IRF2: variants seen among roughly 807,000 people sequenced by gnomAD.
The protein encoded by IRF2 is interferon regulatory factor 2.
A neutral mutation model predicts 40.6 loss-of-function variants in IRF2; 15 were observed. The observed-to-expected ratio is 0.37, with a 90% CI of 0.25 to 0.57. The LOEUF (loss-of-function observed/expected upper bound fraction) is 0.57, where lower values mean the gene tolerates loss of function less well. Among genes scored for constraint, IRF2 ranks in the 20% least tolerant of loss-of-function variants. The pLI, the probability that IRF2 is intolerant of heterozygous loss-of-function variation, is 0.77. For synonymous variants in IRF2, 151 were observed against 165.5 expected, an observed-to-expected ratio of 0.91 and a Z score of 0.67; for missense variants, 317 against 455.7, an observed-to-expected ratio of 0.70 and a Z score of 2.77.
intron 1 of IRF2, among the ~76,000 whole-genome samples, chr4:184,431,698 A>T (rs1334861506): frequency 6.6e-6 from 1 of 152,188 alleles, no homozygotes; most frequent in Non-Finnish European, 1.5e-5. Flanking sequence ...AGTTCTCCTG[A>T]CAGCCTGACG....
intron 7 of IRF2, among the ~76,000 whole-genome samples, chr4:184,395,211 A>T (rs113592870): frequency 0.16 from 23,607 of 151,882 alleles, 1,986 homozygotes; most frequent in East Asian, 0.26. Context: ...GGAGATCGAG[A>T]CCATCCTGGC....
At chr4:184,461,392 A>C (rs1739139342) in intron 1 of IRF2, among the ~76,000 whole-genome samples, 1 of 152,138 alleles carries the variant, frequency 6.6e-6, no homozygotes, top group Admixed American at 6.5e-5. Flanking sequence ...AAACAACCCC[A>C]CAGGGCCCAT....
chr4:184,395,091 A>G (rs1736395541), intron 7 of IRF2, among the ~76,000 whole-genome samples: 1 of 152,058 alleles, frequency 6.6e-6, no homozygotes, highest in Non-Finnish European at 1.5e-5. Flanking sequence ...GCCTCCAAAT[A>G]CCAGTTTCCC....
chr4:184,407,107 C>T (rs1379517055), intron 6 of IRF2: 1 of 976,566 alleles, frequency 1.0e-6, no homozygotes, highest in African/African-American at 1.7e-5. Context: ...ACCAGTCAGA[C>T]AGAATGTCCG....
At position 184,388,605 on chromosome 4, in the gene IRF2, T is replaced by A; in HGVS notation, c.*153A>T. 1 of 742,948 alleles carries A rather than the reference T, an allele frequency of 1.3e-6. No homozygotes were observed. Among genetic ancestry groups the A allele is most frequent in the Non-Finnish European group, 2.2e-6 (1 of 457,070 alleles). The allele number at this position is 742,948 out of a possible 1,614,324, so 46.0% of individuals were successfully genotyped here. On this transcript the variant is annotated 3_prime_UTR_variant, in exon 9 of 9. Transcript: ENST00000393593. The surrounding 1 kb of genome is among the most constrained non-coding windows in gnomAD (Gnocchi z 4.6). ...GTCCTGAGTTAAAGAGAAGCTCCAG[T>A]ACTGGAGTTGGACACAGCAATCAAT... is the stretch of plus-strand genomic sequence containing the variant.
chr4:184,427,030 A>T (rs34374710), intron 2 of IRF2, among the ~76,000 whole-genome samples: 2 of 152,052 alleles, frequency 1.3e-5, no homozygotes, highest in African/African-American at 4.8e-5. Context: ...GCTGAGTACA[A>T]GTCAGCTTTC....
intron 1 of IRF2, among the ~76,000 whole-genome samples, chr4:184,430,759 G>C (rs1473772955): frequency 6.6e-6 from 1 of 152,066 alleles, no homozygotes; most frequent in Non-Finnish European, 1.5e-5. Flanking sequence ...GCAGTGACAT[G>C]ATCACAGCTC....
chr4:184,392,181 AT>A (rs1217407793), intron 7 of IRF2, among the ~76,000 whole-genome samples: 1 of 152,236 alleles, frequency 6.6e-6, no homozygotes, highest in Admixed American at 6.5e-5. Context: ...CCTGTGCAAT[AT>A]TTAGGCATTT....
chr4:184,411,140 C>T (rs1303424197), intron 5 of IRF2, among the ~76,000 whole-genome samples: 1 of 151,946 alleles, frequency 6.6e-6, no homozygotes, highest in Non-Finnish European at 1.5e-5. Context: ...TCACTGCAAC[C>T]TCCACCTCCC....
At chr4:184,465,777 T>A (rs950727112) in intron 1 of IRF2, among the ~76,000 whole-genome samples, 2 of 152,246 alleles carry the variant, frequency 1.3e-5, no homozygotes, top group African/African-American at 4.8e-5. Context: ...AGTTTTTACA[T>A]AACAAAAGCT....
intron 7 of IRF2, among the ~76,000 whole-genome samples, chr4:184,391,535 G>A (rs947205747): frequency 2.0e-5 from 3 of 152,184 alleles, no homozygotes; most frequent in African/African-American, 7.2e-5. Flanking sequence ...AGAGACTGAG[G>A]CCCTTAGTCC....
At chr4:184,409,991 G>A (rs1029196128) in intron 5 of IRF2, among the ~76,000 whole-genome samples, 5 of 151,968 alleles carry the variant, frequency 3.3e-5, no homozygotes, top group Admixed American at 2.6e-4. Context: ...GAGTCAGCAG[G>A]TTTTCCCTTC....
intron 2 of IRF2, among the ~76,000 whole-genome samples, chr4:184,423,767 C>T (rs1439876752): frequency 6.6e-6 from 1 of 152,040 alleles, no homozygotes; most frequent in South Asian, 2.1e-4. Flanking sequence ...CTGGTCTCAA[C>T]AAGTCAATGG....
At chr4:184,426,517 A>T (rs1436280471) in intron 2 of IRF2, among the ~76,000 whole-genome samples, 2 of 152,206 alleles carry the variant, frequency 1.3e-5, no homozygotes, top group Non-Finnish European at 1.5e-5. Context: ...GGATGATTTC[A>T]TCTCAAGGTC....
rs527583228 is a variant in IRF2, at chr4:184,474,104, ACCT to A, written c.-7+272_-7+274del. 7.9e-3 allele frequency: 1,187 copies of A among 149,588 alleles called. 17 individuals carry two copies. The highest frequency in any genetic ancestry group is 0.023 in the African/African-American group (926 of 40,096). 9.3% of individuals were successfully genotyped at this position (149,588 alleles called of 1,614,324 possible). A position where few individuals can be genotyped will look rare whatever the true frequency, so the allele number is the denominator to read the frequency against. On this transcript the variant is annotated intron_variant, in intron 1 of 8. Transcript: ENST00000393593. The surrounding 1 kb of genome is among the most constrained non-coding windows in gnomAD (Gnocchi z 5.6). ...AACCTCCTCCTCCTCCTCCCTCTCTACCTCCTCCTCCTCCTCCTCCTCGCAGCC... is the reference window on the plus strand; with the variant it reads ...AACCTCCTCCTCCTCCTCCCTCTCTACCTCCTCCTCCTCCTCCTCGCAGCC...
chr4:184,455,243 T>TCCCCCCCCCTC (rs1561125225), intron 1 of IRF2, among the ~76,000 whole-genome samples: 1 of 56,708 alleles, frequency 1.8e-5, no homozygotes, highest in Non-Finnish European at 3.6e-5. Flanking sequence ...TTCTTCTTCC[T>TCCCCCCCCCTC]CCCCTCCCCT....
At chr4:184,434,739 T>C (rs1278104567) in intron 1 of IRF2, among the ~76,000 whole-genome samples, 4 of 151,858 alleles carry the variant, frequency 2.6e-5, no homozygotes, top group Non-Finnish European at 2.9e-5. Flanking sequence ...AAGTCACGAA[T>C]GATCCCCCAT....
chr4:184,423,084 T>C (rs1048260785), intron 2 of IRF2, among the ~76,000 whole-genome samples: 1 of 152,248 alleles, frequency 6.6e-6, no homozygotes. Context: ...GCAAGATTCA[T>C]TTTAAAACTG....
intron 7 of IRF2, among the ~76,000 whole-genome samples, chr4:184,391,651 T>C (rs963214519): frequency 6.6e-6 from 1 of 152,216 alleles, no homozygotes; most frequent in Non-Finnish European, 1.5e-5. Context: ...AACACCTCCA[T>C]GGCAGGTTTG....
Sources: allele counts gnomAD v4.1 joint callset (sites outside exome capture counted in the v4.1 genomes callset), GRCh38; gene constraint gnomAD v4.1.1; non-coding constraint Gnocchi (gnomAD v3.1); transcripts MANE v1.5; gene names NCBI Gene and HGNC (gene_info 2026-07-23, HGNC 2026-07-21).